The following KIF13A variants were observed in gnomAD, a reference collection of about 807,000 sequenced individuals.
KIF13A encodes kinesin family member 13A, also known as kinesin-like protein KIF13A.
Under a neutral mutation model 212.2 loss-of-function variants are expected in KIF13A, and 79 were observed. That is an observed-to-expected ratio of 0.37 (90% CI 0.31 to 0.45). The LOEUF (loss-of-function observed/expected upper bound fraction) is 0.45, where lower values mean the gene tolerates loss of function less well. Among genes scored for constraint, KIF13A ranks in the 20% least tolerant of loss-of-function variants. The probability of loss-of-function intolerance (pLI) is 1.00; values close to 1 mark genes in which losing one functional copy is unlikely to be tolerated. For missense variants in KIF13A, 1,901 were observed against 2,209.0 expected (o/e 0.86, Z 2.79); for synonymous variants, 789 against 808.6 (o/e 0.98, Z 0.41).
At chr6:17,937,453 G>C (rs185853808) in intron 2 of KIF13A, among the ~76,000 whole-genome samples, 2 of 152,302 alleles carry the variant, frequency 1.3e-5, no homozygotes, top group South Asian at 2.1e-4. Context: ...AGTAAAACTT[G>C]CAATAACTTC....
chr6:17,884,255 G>C (rs557600919), intron 3 of KIF13A, among the ~76,000 whole-genome samples: 1 of 152,278 alleles, frequency 6.6e-6, no homozygotes, highest in African/African-American at 2.4e-5. Context: ...AACATAAATG[G>C]AATACCTACT....
chr6:17,950,701 A>G (rs1412705064), intron 2 of KIF13A: 10 of 984,404 alleles, frequency 1.0e-5, no homozygotes, highest in Non-Finnish European at 9.6e-6. Context: ...ACTTTTAATC[A>G]TGCCTAAAAA....
chr6:17,792,474 A>G (rs1348659005), intron 25 of KIF13A, among the ~76,000 whole-genome samples: 1 of 152,212 alleles, frequency 6.6e-6, no homozygotes, highest in Non-Finnish European at 1.5e-5. Flanking sequence ...GTAAAGCTCA[A>G]CTAGACTTAA....
At chr6:17,842,975 G>A (rs1367170630) in intron 9 of KIF13A, among the ~76,000 whole-genome samples, 2 of 151,938 alleles carry the variant, frequency 1.3e-5, no homozygotes, top group African/African-American at 4.8e-5. Flanking sequence ...GTATTGCATA[G>A]GATGGATTTC....
intron 2 of KIF13A, among the ~76,000 whole-genome samples, chr6:17,928,773 T>C (rs1007325479): frequency 2.4e-4 from 36 of 151,982 alleles, no homozygotes; most frequent in Non-Finnish European, 2.2e-4. Context: ...ATTATGATGG[T>C]TAAAAAGATG....
intron 9 of KIF13A, among the ~76,000 whole-genome samples, chr6:17,847,352 T>C (rs933189425): frequency 1.3e-5 from 2 of 152,244 alleles, no homozygotes; most frequent in African/African-American, 2.4e-5. Flanking sequence ...CAATGCCTTG[T>C]CAGGAAATAC....
At chr6:17,854,419 T>C (rs932993600) in intron 6 of KIF13A, among the ~76,000 whole-genome samples, 2 of 152,138 alleles carry the variant, frequency 1.3e-5, no homozygotes, top group African/African-American at 4.8e-5. Flanking sequence ...ATTACAGGCA[T>C]GAGCCACTAC....
chr6:17,857,033 A>C (rs571931722), intron 4 of KIF13A, among the ~76,000 whole-genome samples: 1 of 152,316 alleles, frequency 6.6e-6, no homozygotes, highest in East Asian at 1.9e-4. Context: ...TGCTTAATAA[A>C]TGTTGAAAGA....
At chr6:17,950,556 T>C (rs1027369320) in intron 2 of KIF13A, 1 of 985,210 alleles carries the variant, frequency 1.0e-6, no homozygotes, top group Non-Finnish European at 1.2e-6. Flanking sequence ...ACCCCATTTG[T>C]TGGATGAATG....
rs1281400011 is a variant in KIF13A at position 17,825,863 on chromosome 6, T to C, written c.1691A>G (p.His564Arg). 1.3e-5 allele frequency: 21 copies of C among 1,614,040 alleles called. No homozygotes were observed. Among genetic ancestry groups the C allele is most frequent in the Non-Finnish European group, 1.7e-5 (20 of 1,179,876 alleles). The part of the protein sequence containing the change: ...DFEKETGPPE[H>R]DLDAASEASS... ...AGCCTCACTGGCTGCATCCAGGTCA[T>C]GCTCTGGCGGGCCCGTTTCTTTTTC... is the stretch of plus-strand genomic sequence containing the variant. The change falls in exon 16 of 39, where the codon CAT becomes CGT. Residue 564 changes from histidine to arginine, a missense_variant. Physicochemically the swap from His to Arg is conservative, Grantham distance 29. Around this residue, in one of 5 missense-constraint regions of KIF13A, gnomAD observed 534 missense variants for 536.9 expected, o/e 0.99. Coordinates refer to ENST00000259711, the MANE Select transcript of KIF13A (RefSeq NM_022113.6). This position sits in a 1 kb window ranked among gnomAD's most constrained non-coding sequence, Gnocchi z 4.5.
intron 2 of KIF13A, among the ~76,000 whole-genome samples, chr6:17,939,660 C>T (rs1021008190): frequency 6.6e-6 from 1 of 152,130 alleles, no homozygotes; most frequent in Non-Finnish European, 1.5e-5. Flanking sequence ...GGTAAAGAAG[C>T]GGCTAAAACC....
intron 4 of KIF13A, 155 bp downstream of exon 4, chr6:17,873,222 A>G (rs2150435704): frequency 3.6e-6 from 2 of 548,250 alleles, no homozygotes; most frequent in East Asian, 6.5e-5. Context: ...TTCTGAAACC[A>G]AATCTTATTG....
In KIF13A at chr6:17,898,619, T is replaced by C. The variant is rs75837126; in HGVS notation, c.147-439A>G. Among the ~76,000 whole-genome samples the C allele has an allele frequency of 1.6e-4, 25 of 152,332 alleles. No homozygotes were observed. In the South Asian group the frequency reaches 3.9e-3, roughly 24 times the overall value. On this transcript the variant is annotated intron_variant, in intron 2 of 38. Coordinates refer to ENST00000259711, the MANE Select transcript of KIF13A (RefSeq NM_022113.6). The surrounding 1 kb of genome is among the most constrained non-coding windows in gnomAD (Gnocchi z 5.2). ...CATATTTTCCTTTGATAAATACATA[T>C]ACTCTAACATAATATATGTGGGAGT...
chr6:17,971,705 G>C lies in KIF13A; in HGVS notation c.146+15349C>G, dbSNP rs551879095. 6.6e-6 allele frequency among the ~76,000 whole-genome samples: 1 copy of C among 152,264 alleles called. No homozygotes were observed. Among genetic ancestry groups the C allele is most frequent in the African/African-American group, 2.4e-5 (1 of 41,538 alleles). On this transcript the variant is annotated intron_variant, in intron 2 of 38. Transcript: ENST00000259711. This position sits in a 1 kb window ranked among gnomAD's most constrained non-coding sequence, Gnocchi z 4.2. ...CTCCCAAAGAATTGGGATTACAGGAGTGAGTCACCACGTCCGGCTTGCTCT... is the reference window on the plus strand; with the variant it reads ...CTCCCAAAGAATTGGGATTACAGGACTGAGTCACCACGTCCGGCTTGCTCT...
chr6:17,891,087 C>T (rs569810094), intron 3 of KIF13A, among the ~76,000 whole-genome samples: 3 of 152,140 alleles, frequency 2.0e-5, no homozygotes, highest in Admixed American at 6.5e-5. Context: ...TCTTTTTTCC[C>T]CCTGTAAACT....
At chr6:17,862,147 C>T (rs973808981) in intron 4 of KIF13A, among the ~76,000 whole-genome samples, 10 of 152,132 alleles carry the variant, frequency 6.6e-5, no homozygotes, top group Non-Finnish European at 1.3e-4. Flanking sequence ...TCCCAAACAA[C>T]TGGGATTATA....
intron 11 of KIF13A, among the ~76,000 whole-genome samples, 198 bp downstream of exon 11, chr6:17,836,680 A>C (rs962957530): frequency 6.6e-6 from 1 of 152,168 alleles, no homozygotes; most frequent in African/African-American, 2.4e-5. Flanking sequence ...GCAAGGGGGA[A>C]GTTCGCCCCC....
intron 31 of KIF13A, 69 bp downstream of exon 31, chr6:17,780,661 T>C (rs997753218): frequency 2.1e-6 from 3 of 1,444,590 alleles, no homozygotes; most frequent in Middle Eastern, 1.8e-4. Context: ...AAACACTGCT[T>C]TGTGATAGAG....
At position 17,826,200 on chromosome 6, in the gene KIF13A, C is replaced by G; in HGVS notation, c.1533-76G>C. 9.5e-7 allele frequency: 1 copy of G among 1,054,150 alleles called. No homozygotes were observed. Among genetic ancestry groups the G allele is most frequent in the Non-Finnish European group, 1.4e-6 (1 of 690,286 alleles). 65.3% of individuals were successfully genotyped at this position (1,054,150 alleles called of 1,614,324 possible). A position where few individuals can be genotyped will look rare whatever the true frequency, so the allele number is the denominator to read the frequency against. On this transcript the variant is annotated intron_variant, in intron 14 of 38. Transcript: ENST00000259711. This position sits in a 1 kb window ranked among gnomAD's most constrained non-coding sequence, Gnocchi z 4.7. ...CTTGTCCTGGTAGCCAAAGAGATAA[C>G]TAGGGGAGCTTTCTCTTAATAAATG...
Sources: allele counts gnomAD v4.1 joint callset (sites outside exome capture counted in the v4.1 genomes callset), GRCh38; gene constraint gnomAD v4.1.1; regional missense constraint gnomAD v4.1.1; non-coding constraint Gnocchi (gnomAD v3.1); transcripts MANE v1.5; gene names NCBI Gene and HGNC (gene_info 2026-07-23, HGNC 2026-07-21).